Variants in TRIM34 observed in about 807,000 individuals in gnomAD.
TRIM34 encodes the protein tripartite motif containing 34.
Under a neutral mutation model 38.1 loss-of-function variants are expected in TRIM34, and 41 were observed. The ratio of observed to expected loss-of-function variants is 1.08; its 90% confidence interval spans 0.84 to 1.40. The LOEUF is 1.40. TRIM34 is among the 40% of genes most tolerant of loss of function. The pLI is 0.00. For synonymous variants in TRIM34, 200 were observed against 202.5 expected (o/e 0.99, Z 0.10); for missense variants, 556 against 571.4 (o/e 0.97, Z 0.27).
At chr11:5,639,679 CAAAAAAAAAAAAAA>C (rs58134807) in intron 4 of TRIM34, among the ~76,000 whole-genome samples, 2 of 51,130 alleles carry the variant, frequency 3.9e-5, no homozygotes, top group African/African-American at 8.7e-5. Context: ...GACTCTATTT[CAAAAAAAAAAAAAA>C]AAAAAAAAAA....
At chr11:5,628,810 T>C (rs1230366654) in intron 1 of TRIM34, among the ~76,000 whole-genome samples, 1 of 151,902 alleles carries the variant, frequency 6.6e-6, no homozygotes, top group African/African-American at 2.4e-5. Flanking sequence ...AAGTTGATTT[T>C]TTTTTTTCAG....
At position 5,641,190 on chromosome 11, in the gene TRIM34, G is replaced by A. The variant is rs1849996026; in HGVS notation, c.773+1G>A. On this transcript the variant is annotated splice_donor_variant, in intron 5 of 7. Coordinates refer to ENST00000429814, the MANE Select transcript of TRIM34 (RefSeq NM_021616.6). LOFTEE classifies it high-confidence loss of function. ...AGGACATGAGTGGAATCATGAAATG[G>A]TGCGTATGGGTGGCCAGGAGTGGTG... The A allele has an allele frequency of 6.2e-7, 1 of 1,613,390 alleles. No individual in the cohort carries two copies. The highest frequency in any genetic ancestry group is 1.1e-5 in the South Asian group (1 of 90,990).
At chr11:5,643,043 T>A in intron 7 of TRIM34, 101 bp from the exon 8 acceptor site, 1 of 1,289,176 alleles carries the variant, frequency 7.8e-7, no homozygotes. Flanking sequence ...TTCATCACCA[T>A]GTCACTAGAT....
At position 5,634,655 on chromosome 11, in the gene TRIM34, A is replaced by T; in HGVS notation, c.544A>T (p.Arg182Trp). Residue 182 changes from arginine (R) to tryptophan (W), a missense_variant, in exon 4 of 8, where the codon AGG becomes TGG. Coordinates refer to ENST00000429814, the MANE Select transcript of TRIM34 (RefSeq NM_021616.6). ...GTATCAGGTACAAACTGAGAGACAA[A>T]GGATACAAACAGAATTTGATCAGCT... ...WKYQVQTERQRIQTEFDQLRS... is the reference protein window; with the variant it reads ...WKYQVQTERQWIQTEFDQLRS... The T allele has an allele frequency of 6.2e-7, 1 of 1,613,496 alleles. No individual in the cohort carries two copies. Among genetic ancestry groups the T allele is most frequent in the Non-Finnish European group, 8.5e-7 (1 of 1,179,732 alleles).
At chr11:5,629,819 T>C (rs1849402600) in intron 1 of TRIM34, among the ~76,000 whole-genome samples, 1 of 152,212 alleles carries the variant, frequency 6.6e-6, no homozygotes, top group African/African-American at 2.4e-5. Flanking sequence ...GCCATTCTCC[T>C]GCCTTAGCCT....
At position 5,630,899 on chromosome 11, in the gene TRIM34, C is replaced by T. The variant is rs759657717; in HGVS notation, c.-77-1356C>T. Among the ~76,000 whole-genome samples the T allele has an allele frequency of 3.9e-5, 6 of 152,150 alleles. No homozygotes were observed. The East Asian group carries it at 5.8e-4, about 15-fold the overall frequency. On this transcript the variant is annotated intron_variant, in intron 1 of 7. Transcript: ENST00000429814. The stretch of plus-strand genomic sequence containing the variant: ...TAATCCATTTCCTGAATTTTAATCA[C>T]GGAAGATAATATGTCTTCAGTGAGA...
At chr11:5,636,886 C>G (rs1445171473) in intron 4 of TRIM34, among the ~76,000 whole-genome samples, 1 of 152,172 alleles carries the variant, frequency 6.6e-6, no homozygotes, top group East Asian at 1.9e-4. Flanking sequence ...GTGGCTCACG[C>G]CTGTAATCCC....
chr11:5,624,820 C>T (rs907726615), upstream of TRIM34: 5 of 152,186 alleles, frequency 3.3e-5, no homozygotes, highest in Admixed American at 6.5e-5. Flanking sequence ...GGATTAAGAG[C>T]ATTACCTTCT....
At position 5,634,652 on chromosome 11, in the gene TRIM34, C is replaced by A; in HGVS notation, c.541C>A (p.Gln181Lys). The A allele has an allele frequency of 6.2e-7, 1 of 1,613,172 alleles. No individual in the cohort carries two copies. Among genetic ancestry groups the A allele is most frequent in the South Asian group, 1.1e-5 (1 of 91,020 alleles). The change falls in exon 4 of 8, where the codon CAA becomes AAA. Residue 181 changes from glutamine to lysine, a missense_variant. By Grantham distance (53) the Gln-to-Lys change is moderately conservative. Transcript: ENST00000429814. ...GCAGTATCAGGTACAAACTGAGAGA[C>A]AAAGGATACAAACAGAATTTGATCA... ...SWKYQVQTERQRIQTEFDQLR... is the reference protein window; with the variant it reads ...SWKYQVQTERKRIQTEFDQLR...
chr11:5,628,714 C>A (rs929929800), intron 1 of TRIM34, among the ~76,000 whole-genome samples: 1 of 152,056 alleles, frequency 6.6e-6, no homozygotes, highest in Non-Finnish European at 1.5e-5. Context: ...CTGTTGTAAC[C>A]AATTATCACA....
At chr11:5,624,648 T>C (rs778184686), upstream of TRIM34, among the ~76,000 whole-genome samples, 2 of 152,226 alleles carry the variant, frequency 1.3e-5, no homozygotes, top group Non-Finnish European at 2.9e-5. Flanking sequence ...CATTCTTTGC[T>C]GTGGGAACTG....
chr11:5,644,018 G>T lies in TRIM34; in HGVS notation c.*309G>T. 1 of 455,120 alleles carries T rather than the reference G, an allele frequency of 2.2e-6. No homozygotes were observed. Among genetic ancestry groups the T allele is most frequent in the Non-Finnish European group, 3.8e-6 (1 of 263,882 alleles). 28.2% of individuals were successfully genotyped at this position (455,120 alleles called of 1,614,324 possible). A position where few individuals can be genotyped will look rare whatever the true frequency, so the allele number is the denominator to read the frequency against. On this transcript the variant is annotated 3_prime_UTR_variant, in exon 8 of 8. Transcript: ENST00000429814. The stretch of plus-strand genomic sequence containing the variant: ...ATATGAAGAGGCCCAAAGCCTGTTA[G>T]CCACCATCCATGCTACCTAGGTAGT...
intron 4 of TRIM34, among the ~76,000 whole-genome samples, chr11:5,635,312 G>T (rs968098154): frequency 1.3e-5 from 2 of 149,282 alleles, no homozygotes; most frequent in East Asian, 3.9e-4. Flanking sequence ...CTGGAGTGCA[G>T]TGGTGCGATC....
At chr11:5,638,534 A>G (rs1206972791) in intron 4 of TRIM34, among the ~76,000 whole-genome samples, 2 of 152,216 alleles carry the variant, frequency 1.3e-5, no homozygotes, top group African/African-American at 2.4e-5. Flanking sequence ...ATCTTGCTCA[A>G]AACAAATTAA....
Position 5,637,151 on chromosome 11 carries a change from C to T in TRIM34, c.750+2290C>T, listed in dbSNP as rs976381868. On this transcript the variant is annotated intron_variant, in intron 4 of 7. Coordinates refer to ENST00000429814, the MANE Select transcript of TRIM34 (RefSeq NM_021616.6). The stretch of plus-strand genomic sequence containing the variant: ...TGGCGCCACTGCACTCCAGCCTGGG[C>T]GACAGAGCGAGACTCAGTCTAAAAA... Among the ~76,000 whole-genome samples the T allele has an allele frequency of 5.7e-5, 8 of 140,872 alleles. No individual in the cohort carries two copies. In the South Asian group the frequency reaches 1.3e-3, roughly 22 times the overall value. The allele number at this position is 140,872 out of a possible 152,430, so 92.4% of individuals were successfully genotyped here.
rs779852754 is a variant in TRIM34, at chr11:5,634,870, G to A, written c.750+9G>A. ...CAATGGAGCTGCTGCAGGTAAGAAG[G>A]TTCGCTCAATCTGAGATTCTGGGAA... On this transcript the variant is annotated intron_variant, in intron 4 of 7. Coordinates refer to ENST00000429814, the MANE Select transcript of TRIM34 (RefSeq NM_021616.6). 13 of 1,609,294 alleles carry A rather than the reference G, an allele frequency of 8.1e-6. No individual in the cohort carries two copies. The South Asian group carries it at 1.2e-4, about 15-fold the overall frequency.
In TRIM34 at chr11:5,643,662, C is replaced by A. The variant is rs1478502443; in HGVS notation, c.1420C>A (p.Pro474Thr). ...TCAGCCTGTTTATCCATATTTCAAT[C>A]CTTGGAACTGTCCAGCTCCCATGAC... ...FSQPVYPYFNPWNCPAPMTLC... is the reference protein window; with the variant it reads ...FSQPVYPYFNTWNCPAPMTLC... Residue 474 changes from proline to threonine, a missense_variant, in exon 8 of 8, where the codon CCT becomes ACT. Pro to Thr is a conservative substitution (Grantham distance 38). Transcript: ENST00000429814. 3.1e-6 allele frequency: 5 copies of A among 1,613,364 alleles called. No homozygotes were observed. Among genetic ancestry groups the A allele is most frequent in the South Asian group, 1.1e-5 (1 of 90,970 alleles).
intron 3 of TRIM34, 93 bp from the exon 4 acceptor site, chr11:5,634,526 CACACATATATAT>C (rs1489773114): frequency 1.5e-6 from 1 of 653,120 alleles, no homozygotes. Flanking sequence ...CACACACACA[CACACATATATAT>C]ATATATATAT....
Position 5,641,147 on chromosome 11 carries a change from G to A in TRIM34, c.751-20G>A. On this transcript the variant is annotated intron_variant, in intron 4 of 7. Coordinates refer to ENST00000429814, the MANE Select transcript of TRIM34 (RefSeq NM_021616.6). Reference sequence around the variant, plus strand: ...CCAGTCTTTATACACTTTGACTCATGTTTTCTCTTTTCTTTCTAGGACATG... The same window carrying A: ...CCAGTCTTTATACACTTTGACTCATATTTTCTCTTTTCTTTCTAGGACATG... The A allele has an allele frequency of 1.2e-6, 2 of 1,610,304 alleles. No individual in the cohort carries two copies. The highest frequency in any genetic ancestry group is 1.7e-6 in the Non-Finnish European group (2 of 1,178,178).
Sources: allele counts gnomAD v4.1 joint callset (sites outside exome capture counted in the v4.1 genomes callset), GRCh38; gene constraint gnomAD v4.1.1; transcripts MANE v1.5; gene names NCBI Gene and HGNC (gene_info 2026-07-23, HGNC 2026-07-21).